ANGPT1: variants seen among roughly 807,000 people sequenced by gnomAD.
ANGPT1 encodes the protein angiopoietin 1, also known as angiopoietin-1.
In ANGPT1, 17 loss-of-function variants were observed where a neutral mutation model predicts 62.2. The ratio of observed to expected loss-of-function variants is 0.27; its 90% CI spans 0.19 to 0.41. ANGPT1 has a LOEUF of 0.41. Among genes scored for constraint, ANGPT1 ranks in the 10% least tolerant of loss-of-function variants. The probability of loss-of-function intolerance (pLI) is 1.00; values close to 1 mark genes in which losing one functional copy is unlikely to be tolerated. For missense variants in ANGPT1, 478 were observed against 594.9 expected, an observed-to-expected ratio of 0.80 and a Z score of 2.04; for synonymous variants, 199 against 198.9, an observed-to-expected ratio of 1.00 and a Z score of 0.00.
chr8:107,373,850 T>A (rs1816468339), intron 1 of ANGPT1, among the ~76,000 whole-genome samples: 1 of 152,224 alleles, frequency 6.6e-6, no homozygotes, highest in Non-Finnish European at 1.5e-5. Context: ...AACATAATGA[T>A]CTTTTTAAAT....
At chr8:107,420,954 T>C (rs1211805258) in intron 1 of ANGPT1, among the ~76,000 whole-genome samples, 1 of 152,138 alleles carries the variant, frequency 6.6e-6, no homozygotes, top group Non-Finnish European at 1.5e-5. Flanking sequence ...CATTTATATT[T>C]GTTAATTAAT....
At chr8:107,448,130 T>C (rs1811667429) in intron 1 of ANGPT1, among the ~76,000 whole-genome samples, 1 of 152,202 alleles carries the variant, frequency 6.6e-6, no homozygotes, top group Non-Finnish European at 1.5e-5. Flanking sequence ...AACTGTGGTA[T>C]GGTATGTTCT....
At chr8:107,474,667 T>C (rs981537745) in intron 1 of ANGPT1, among the ~76,000 whole-genome samples, 1 of 152,160 alleles carries the variant, frequency 6.6e-6, no homozygotes, top group Non-Finnish European at 1.5e-5. Context: ...GATGACATGA[T>C]TGGATATCTA....
chr8:107,423,634 G>A (rs1810954321), intron 1 of ANGPT1, among the ~76,000 whole-genome samples: 1 of 151,946 alleles, frequency 6.6e-6, no homozygotes, highest in Non-Finnish European at 1.5e-5. Context: ...ATCTCTCTCT[G>A]TCTCAGAGTC....
At chr8:107,397,033 T>A (rs117116698) in intron 1 of ANGPT1, among the ~76,000 whole-genome samples, 2,508 of 152,216 alleles carry the variant, frequency 0.016, 21 homozygotes, top group Non-Finnish European at 0.026. Context: ...TATAGACCTG[T>A]CCTTAGTAAC....
chr8:107,318,524 A>G (rs1207157241), intron 4 of ANGPT1, among the ~76,000 whole-genome samples: 2 of 152,228 alleles, frequency 1.3e-5, no homozygotes, highest in Non-Finnish European at 2.9e-5. Flanking sequence ...TAGGCATTTT[A>G]GAAGGCACTA....
At chr8:107,303,956 T>C (rs1022992829) in intron 4 of ANGPT1, among the ~76,000 whole-genome samples, 3 of 151,876 alleles carry the variant, frequency 2.0e-5, no homozygotes, top group Non-Finnish European at 4.4e-5. Flanking sequence ...TAACAATAAT[T>C]AGATTTGGGA....
intron 1 of ANGPT1, among the ~76,000 whole-genome samples, chr8:107,486,316 C>T (rs1812813247): frequency 6.6e-6 from 1 of 152,100 alleles, no homozygotes; most frequent in South Asian, 2.1e-4. Context: ...TGAGTGCTGG[C>T]CCATAAATTT....
chr8:107,429,706 T>C (rs1811130359), intron 1 of ANGPT1, among the ~76,000 whole-genome samples: 1 of 151,506 alleles, frequency 6.6e-6, no homozygotes, highest in Non-Finnish European at 1.5e-5. Flanking sequence ...TAGTTAGTTT[T>C]TGGATTGCTT....
intron 1 of ANGPT1, among the ~76,000 whole-genome samples, chr8:107,362,142 T>C (rs1051782285): frequency 6.6e-6 from 1 of 152,222 alleles, no homozygotes; most frequent in Non-Finnish European, 1.5e-5. Flanking sequence ...TCACATACTT[T>C]CTTATATAAA....
chr8:107,430,908 T>C (rs1050386818), intron 1 of ANGPT1, among the ~76,000 whole-genome samples: 1 of 152,226 alleles, frequency 6.6e-6, no homozygotes, highest in Non-Finnish European at 1.5e-5. Flanking sequence ...TCTCCTTGAG[T>C]TCTCTGATGA....
chr8:107,326,407 A>G (rs1431324827), intron 3 of ANGPT1, among the ~76,000 whole-genome samples: 1 of 152,182 alleles, frequency 6.6e-6, no homozygotes, highest in African/African-American at 2.4e-5. Context: ...TTTATTTATT[A>G]GGGACATTTT....
intron 1 of ANGPT1, among the ~76,000 whole-genome samples, chr8:107,359,018 G>A (rs1816106843): frequency 6.6e-6 from 1 of 151,896 alleles, no homozygotes; most frequent in Non-Finnish European, 1.5e-5. Flanking sequence ...ATACTGTCTG[G>A]TACACTTTCA....
At chr8:107,376,983 C>T (rs1437023496) in intron 1 of ANGPT1, among the ~76,000 whole-genome samples, 1 of 152,080 alleles carries the variant, frequency 6.6e-6, no homozygotes, top group South Asian at 2.1e-4. Flanking sequence ...GCTTGGTCTG[C>T]ACCATTCCAT....
intron 1 of ANGPT1, among the ~76,000 whole-genome samples, chr8:107,424,231 T>C (rs1313186822): frequency 1.3e-5 from 2 of 151,970 alleles, no homozygotes; most frequent in African/African-American, 2.4e-5. Context: ...GGCTTCAAAA[T>C]GCTAAATCTG....
rs1452633423 is a variant in ANGPT1 at position 107,250,325 on chromosome 8, A to G, written c.*1530T>C. 6.6e-6 allele frequency: 1 copy of G among 152,148 alleles called. No homozygotes were observed. Among genetic ancestry groups the G allele is most frequent in the African/African-American group, 2.4e-5 (1 of 41,444 alleles). The allele number at this position is 152,148 out of a possible 1,614,324, so 9.4% of individuals were successfully genotyped here. ...TAATGCAGTAACTTCAAGCACCCCA[A>G]AAATTCACTTAAAATACATTATCCC... On this transcript the variant is annotated 3_prime_UTR_variant, in exon 9 of 9. Transcript: ENST00000517746.
intron 6 of ANGPT1, among the ~76,000 whole-genome samples, chr8:107,288,131 C>T (rs185981502): frequency 3.3e-5 from 5 of 152,086 alleles, no homozygotes; most frequent in African/African-American, 1.2e-4. Flanking sequence ...ATTTAAAAGG[C>T]TCTCAGAGGA....
intron 7 of ANGPT1, among the ~76,000 whole-genome samples, chr8:107,278,039 A>G (rs1423001858): frequency 6.6e-6 from 1 of 152,062 alleles, no homozygotes; most frequent in Non-Finnish European, 1.5e-5. Context: ...TGGGCATGAT[A>G]AAAATTTAAT....
At chr8:107,465,183 C>A (rs896698812) in intron 1 of ANGPT1, among the ~76,000 whole-genome samples, 2 of 151,940 alleles carry the variant, frequency 1.3e-5, no homozygotes, top group Non-Finnish European at 2.9e-5. Flanking sequence ...CTCTAAGAAG[C>A]ATCAAATATA....
Sources: allele counts gnomAD v4.1 joint callset (sites outside exome capture counted in the v4.1 genomes callset), GRCh38; gene constraint gnomAD v4.1.1; transcripts MANE v1.5; gene names NCBI Gene and HGNC (gene_info 2026-07-23, HGNC 2026-07-21).